The following ARHGAP19 variants were observed in gnomAD, a reference collection of about 807,000 sequenced individuals.
ARHGAP19 encodes the protein rho GTPase-activating protein 19.
In ARHGAP19, 48 loss-of-function variants were observed where a neutral mutation model predicts 60.9. The observed-to-expected ratio is 0.79, with a 90% CI of 0.62 to 1.00. The LOEUF (loss-of-function observed/expected upper bound fraction) is 1.00. Among genes scored for constraint, ARHGAP19 ranks in the 50% least tolerant of loss-of-function variants. ARHGAP19 has a pLI of 0.00. For missense variants in ARHGAP19, 562 were observed against 597.2 expected (o/e 0.94, Z 0.61); for synonymous variants, 209 against 215.5 (o/e 0.97, Z 0.27).
chr10:97,265,829 C>A (rs1285955970), intron 2 of ARHGAP19, 31 bp downstream of exon 2: 2 of 1,605,920 alleles, frequency 1.2e-6, no homozygotes, highest in Non-Finnish European at 8.5e-7. Context: ...GCAGCTGAGG[C>A]CTGCCCACCC....
chr10:97,266,206 G>A, intron 1 of ARHGAP19, 81 bp from the exon 2 acceptor site: 2 of 1,518,474 alleles, frequency 1.3e-6, no homozygotes, highest in Non-Finnish European at 1.8e-6. Flanking sequence ...ATTTGGTCCT[G>A]ACTCCACGCA....
chr10:97,243,862 C>G (rs1410778633), intron 8 of ARHGAP19, 106 bp downstream of exon 8: 1 of 1,180,486 alleles, frequency 8.5e-7, no homozygotes, highest in East Asian at 2.4e-5. Context: ...CCTGATTTCT[C>G]AGCTGAACCA....
At chr10:97,292,421 G>A in intron 1 of ARHGAP19, 151 bp downstream of exon 1, 1 of 1,030,616 alleles carries the variant, frequency 9.7e-7, no homozygotes, top group South Asian at 1.4e-5. Context: ...CCCGACCCCC[G>A]CGCCTCAGCC....
Position 97,222,959 on chromosome 10 carries a change from G to C in ARHGAP19, c.*3163C>G, listed in dbSNP as rs1589438392. ...TTCCCAGTGACCACAGGTTCTCCTA[G>C]ACGGCAGTATTTTCAACTGCATGCT... On this transcript the variant is annotated 3_prime_UTR_variant, in exon 12 of 12. Transcript: ENST00000358531. 1 of 152,178 alleles carries C rather than the reference G, an allele frequency of 6.6e-6. No individual in the cohort carries two copies. The highest frequency in any genetic ancestry group is 1.5e-5 in the Non-Finnish European group (1 of 68,046). 9.4% of individuals were successfully genotyped at this position (152,178 alleles called of 1,614,324 possible).
intron 6 of ARHGAP19, among the ~76,000 whole-genome samples, chr10:97,246,836 T>A (rs1017406250): frequency 6.7e-6 from 1 of 150,298 alleles, no homozygotes; most frequent in Non-Finnish European, 1.5e-5. Context: ...CCCCCAACTC[T>A]ACAAAAAATT....
intron 9 of ARHGAP19, among the ~76,000 whole-genome samples, chr10:97,232,747 C>T (rs143830106): frequency 0.014 from 2,148 of 151,802 alleles, 23 homozygotes; most frequent in Middle Eastern, 0.021. Context: ...TAAATGCTAA[C>T]AGCTGTACCT....
intron 5 of ARHGAP19, chr10:97,258,813 C>T (rs1842789553): frequency 1.3e-5 from 2 of 151,406 alleles, no homozygotes; most frequent in Non-Finnish European, 2.9e-5. Context: ...TGTTTTTATC[C>T]CTCAGGCATT....
chr10:97,255,280 C>T (rs550879481), intron 6 of ARHGAP19, among the ~76,000 whole-genome samples: 126 of 152,248 alleles, frequency 8.3e-4, no homozygotes, highest in Non-Finnish European at 1.3e-3. Context: ...AAACTTTCAG[C>T]CTCTCCAGAT....
At position 97,229,235 on chromosome 10, in the gene ARHGAP19, G is replaced by T. The variant is rs748681111; in HGVS notation, c.1396-10C>A. Reference sequence around the variant, plus strand: ...GAGAGCCAGAAAATAACTGTAATAAGAAAATTGTACAGTGGTTTCAATGTT... The same window carrying T: ...GAGAGCCAGAAAATAACTGTAATAATAAAATTGTACAGTGGTTTCAATGTT... On this transcript the variant is annotated splice_polypyrimidine_tract_variant and intron_variant, in intron 10 of 11. Coordinates refer to ENST00000358531, the MANE Select transcript of ARHGAP19 (RefSeq NM_032900.6). The T allele has an allele frequency of 6.2e-7, 1 of 1,607,476 alleles. No individual in the cohort carries two copies. Among genetic ancestry groups the T allele is most frequent in the South Asian group, 1.1e-5 (1 of 90,954 alleles).
intron 1 of ARHGAP19, among the ~76,000 whole-genome samples, chr10:97,285,880 C>T (rs1253398): frequency 0.9 from 137,228 of 152,234 alleles, 62,423 homozygotes; most frequent in Non-Finnish European, 0.97. Flanking sequence ...CTCTTTATAA[C>T]ACTACCGACC....
intron 1 of ARHGAP19, among the ~76,000 whole-genome samples, chr10:97,282,592 T>C (rs1843099448): frequency 6.6e-6 from 1 of 152,160 alleles, no homozygotes; most frequent in Admixed American, 6.5e-5. Context: ...CTTCTGTATC[T>C]TCCCCTTCAG....
chr10:97,248,931 C>T (rs1299712358), intron 6 of ARHGAP19, among the ~76,000 whole-genome samples: 4 of 152,158 alleles, frequency 2.6e-5, no homozygotes, highest in Non-Finnish European at 5.9e-5. Context: ...CATCCTACCA[C>T]CGTAGCCTCT....
chr10:97,274,497 A>T (rs967800781), intron 1 of ARHGAP19, among the ~76,000 whole-genome samples: 2 of 151,856 alleles, frequency 1.3e-5, no homozygotes, highest in African/African-American at 2.4e-5. Flanking sequence ...AAGTGCTAAT[A>T]CTGTTCTTGT....
intron 6 of ARHGAP19, among the ~76,000 whole-genome samples, chr10:97,251,694 G>A (rs113824582): frequency 2.3e-3 from 12 of 5,216 alleles, no homozygotes; most frequent in Non-Finnish European, 2.5e-3. Flanking sequence ...GAAAGGAAGG[G>A]AGGGGGAGGG....
intron 1 of ARHGAP19, among the ~76,000 whole-genome samples, chr10:97,272,129 G>GTTTTTTTT (rs1842965911): frequency 2.0e-4 from 14 of 69,146 alleles, no homozygotes; most frequent in African/African-American, 6.4e-4. Flanking sequence ...TGGGAAATAT[G>GTTTTTTTT]TCTTTTTTTT....
At chr10:97,254,088 G>C (rs1007414917) in intron 6 of ARHGAP19, among the ~76,000 whole-genome samples, 1 of 152,092 alleles carries the variant, frequency 6.6e-6, no homozygotes, top group African/African-American at 2.4e-5. Flanking sequence ...AATACTACTC[G>C]AGGCAATCTA....
chr10:97,240,470 G>A (rs1842461463), intron 8 of ARHGAP19, among the ~76,000 whole-genome samples: 2 of 152,152 alleles, frequency 1.3e-5, no homozygotes, highest in Non-Finnish European at 1.5e-5. Flanking sequence ...TGGCCAATAT[G>A]GCATAATCCC....
intron 9 of ARHGAP19, among the ~76,000 whole-genome samples, chr10:97,230,940 C>G (rs566407592): frequency 6.6e-6 from 1 of 151,816 alleles, no homozygotes; most frequent in East Asian, 1.9e-4. Context: ...GCCTGTAATC[C>G]CAGCTACTCG....
At chr10:97,251,284 AAAAGG>A (rs1445269515) in intron 6 of ARHGAP19, among the ~76,000 whole-genome samples, 1 of 23,252 alleles carries the variant, frequency 4.3e-5, no homozygotes, top group East Asian at 1.7e-3. Flanking sequence ...AGGGAAGGGA[AAAAGG>A]AAGGGAAGGG....
Sources: allele counts gnomAD v4.1 joint callset (sites outside exome capture counted in the v4.1 genomes callset), GRCh38; gene constraint gnomAD v4.1.1; transcripts MANE v1.5; gene names NCBI Gene and HGNC (gene_info 2026-07-23, HGNC 2026-07-21).